TATDN2: variants seen among roughly 807,000 people sequenced by gnomAD.
TATDN2 encodes TatD DNase domain containing 2, also known as 3'-5' RNA nuclease TATDN2.
In TATDN2, 44 loss-of-function variants were observed where a neutral mutation model predicts 60.3. The observed-to-expected ratio is 0.73, with a 90% CI of 0.57 to 0.94. The LOEUF (loss-of-function observed/expected upper bound fraction) is 0.94. TATDN2 is among the 40% of genes least tolerant of loss of function. The pLI, the probability that TATDN2 is intolerant of heterozygous loss-of-function variation, is 0.00. For synonymous variants in TATDN2, 399 were observed against 355.8 expected (o/e 1.12, Z -1.37); for missense variants, 997 against 948.0 (o/e 1.05, Z -0.68).
Position 10,249,578 on chromosome 3 carries a change from A to G in TATDN2, c.378A>G (p.Glu126=), listed in dbSNP as rs971176411. 2 of 1,542,296 alleles carry G rather than the reference A, an allele frequency of 1.3e-6. No individual in the cohort carries two copies. Among genetic ancestry groups the G allele is most frequent in the Non-Finnish European group, 1.7e-6 (2 of 1,146,818 alleles). ...GTCCTGCCAACGCCTCTTTGGAAGAAATGGCTTCTCTAGAGGAGGAAGCCT... is the reference window on the plus strand; with the variant it reads ...GTCCTGCCAACGCCTCTTTGGAAGAGATGGCTTCTCTAGAGGAGGAAGCCT... The part of the protein sequence containing the change: ...PLRPANASLE[E]MASLEEEACS... The change falls in exon 2 of 8, where the codon GAA becomes GAG. Residue 126 remains glutamate, a synonymous_variant. Coordinates refer to ENST00000448281, the MANE Select transcript of TATDN2 (RefSeq NM_014760.4).
At chr3:10,263,714 C>T in intron 3 of TATDN2, among the ~76,000 whole-genome samples, 1 of 152,118 alleles carries the variant, frequency 6.6e-6, no homozygotes, top group East Asian at 1.9e-4. Flanking sequence ...TAAGTTGCTT[C>T]TTTCCGTTTC....
intron 3 of TATDN2, among the ~76,000 whole-genome samples, chr3:10,268,384 T>C (rs1455800275): frequency 6.6e-6 from 1 of 152,226 alleles, no homozygotes; most frequent in East Asian, 1.9e-4. Flanking sequence ...GCTCTTTCAT[T>C]GTGAATGTTT....
chr3:10,279,065 T>C lies in TATDN2; in HGVS notation c.*38+2T>C. On this transcript the variant is annotated splice_donor_variant, in intron 7 of 7. Coordinates refer to ENST00000448281, the MANE Select transcript of TATDN2 (RefSeq NM_014760.4). LOFTEE classifies it low-confidence loss of function (3UTR_SPLICE). ...GTCCTCGGGAGTCTCCTAGAAAAGG[T>C]CGTAAAACTCACATTCTGTATTTTT... The C allele has an allele frequency of 6.3e-7, 1 of 1,590,904 alleles. No individual in the cohort carries two copies. Among genetic ancestry groups the C allele is most frequent in the Non-Finnish European group, 8.5e-7 (1 of 1,171,418 alleles).
chr3:10,278,457 C>T lies in TATDN2; in HGVS notation c.2140C>T (p.Arg714Cys), dbSNP rs150215933. The T allele has an allele frequency of 6.9e-5, 111 of 1,610,876 alleles. No individual in the cohort carries two copies. The highest frequency in any genetic ancestry group is 4.4e-5 in the Non-Finnish European group (52 of 1,177,624). The change falls in exon 6 of 8, where the codon CGC (arginine) becomes TGC (cysteine). Residue 714 changes from arginine to cysteine, a missense_variant. Arg to Cys is a radical substitution (Grantham distance 180, BLOSUM62 -3). Transcript: ENST00000448281. The surrounding 1 kb of genome is among the most constrained non-coding windows in gnomAD (Gnocchi z 4.7). ...VETDAPYFLP[R>C]QVPKSLCQYA... is the part of the protein sequence containing the mutation. ...AACGGATGCTCCCTATTTCCTCCCT[C>T]GCCAGGTAAGGGGGTCTTCAGGCTG...
chr3:10,250,502 G>T (rs1292138080), intron 2 of TATDN2, among the ~76,000 whole-genome samples: 2 of 151,922 alleles, frequency 1.3e-5, no homozygotes, highest in Admixed American at 1.3e-4. Flanking sequence ...GATCAGATGG[G>T]CTGCCTCTAG....
At chr3:10,264,955 C>T (rs183726988) in intron 3 of TATDN2, among the ~76,000 whole-genome samples, 2,135 of 147,078 alleles carry the variant, frequency 0.015, 44 homozygotes, top group African/African-American at 0.051. Context: ...GGATTACAGG[C>T]GTGAGCCACC....
rs1408839463 is a variant in TATDN2, at chr3:10,278,240, G to C, written c.1962-39G>C. ...GGGGGAGCTGGGGGCTGCTGCAGAG[G>C]GGACTGTGAGCAGCCCTGATGTGGA... On this transcript the variant is annotated intron_variant, in intron 5 of 7. Coordinates refer to ENST00000448281, the MANE Select transcript of TATDN2 (RefSeq NM_014760.4). The surrounding 1 kb of genome is among the most constrained non-coding windows in gnomAD (Gnocchi z 4.7). 6.3e-7 allele frequency: 1 copy of C among 1,593,394 alleles called. No homozygotes were observed. Among genetic ancestry groups the C allele is most frequent in the African/African-American group, 1.3e-5 (1 of 74,708 alleles).
rs1183040057 is a variant in TATDN2 at position 10,270,216 on chromosome 3, C to G, written c.1034C>G (p.Ser345Cys). ...DVEEISTVRF[S>C]QEEPVSLKPS... ...GAGGAGATCTCCACAGTCAGATTCT[C>G]TCAGGAGGAACCTGTCTCCCTGAAA... is the stretch of plus-strand genomic sequence containing the variant. Residue 345 changes from serine to cysteine, a missense_variant, in exon 4 of 8, where the codon TCT becomes TGT. Physicochemically the swap from Ser to Cys is moderately radical, Grantham distance 112 (BLOSUM62 -1). Transcript: ENST00000448281. 2.5e-6 allele frequency: 4 copies of G among 1,614,110 alleles called. No individual in the cohort carries two copies. The Admixed American group carries it at 6.7e-5, about 27-fold the overall frequency.
intron 4 of TATDN2, among the ~76,000 whole-genome samples, chr3:10,272,872 C>CAAA (rs796447999): frequency 1.5e-5 from 2 of 133,642 alleles, no homozygotes; most frequent in African/African-American, 5.5e-5. Context: ...CTATCTCTAC[C>CAAA]AAAAAAAAAA....
At position 10,249,283 on chromosome 3, in the gene TATDN2, A is replaced by T. The variant is rs772722065; in HGVS notation, c.83A>T (p.Glu28Val). The T allele has an allele frequency of 6.3e-7, 1 of 1,595,304 alleles. No individual in the cohort carries two copies. The highest frequency in any genetic ancestry group is 1.7e-5 in the Admixed American group (1 of 57,672). The change falls in exon 2 of 8, where the codon GAG (glutamate) becomes GTG (valine). Residue 28 changes from glutamate (E) to valine (V), a missense_variant. Physicochemically the swap from Glu to Val is moderately radical, Grantham distance 121. Transcript: ENST00000448281. ...GCPRKRSCLREPCDVAPSSRP... is the reference protein window; with the variant it reads ...GCPRKRSCLRVPCDVAPSSRP... Reference sequence around the variant, plus strand: ...CCCCGCAAGCGCAGCTGCCTCCGGGAGCCCTGTGATGTGGCCCCCTCCAGC... The same window carrying T: ...CCCCGCAAGCGCAGCTGCCTCCGGGTGCCCTGTGATGTGGCCCCCTCCAGC...
chr3:10,257,057 G>T (rs2125172856), intron 2 of TATDN2, among the ~76,000 whole-genome samples: 1 of 151,850 alleles, frequency 6.6e-6, no homozygotes, highest in East Asian at 2.0e-4. Flanking sequence ...CACTTTGGGA[G>T]GCCAAGGCGG....
intron 2 of TATDN2, among the ~76,000 whole-genome samples, chr3:10,254,232 C>T (rs1698270830): frequency 6.6e-6 from 1 of 152,130 alleles, no homozygotes; most frequent in African/African-American, 2.4e-5. Context: ...GAGTGGAGAG[C>T]TGTAACAGGG....
At chr3:10,257,266 CAG>C (rs1698320871) in intron 2 of TATDN2, among the ~76,000 whole-genome samples, 1 of 138,762 alleles carries the variant, frequency 7.2e-6, no homozygotes, top group African/African-American at 2.7e-5. Flanking sequence ...GCCTGGACAA[CAG>C]AGTGAGATTT....
rs1698670299 is a variant in TATDN2, at chr3:10,278,453, C to T, written c.2136C>T (p.Leu712=). Residue 712 remains leucine, a synonymous_variant, in exon 6 of 8, where the codon CTC becomes CTT. Coordinates refer to ENST00000448281, the MANE Select transcript of TATDN2 (RefSeq NM_014760.4). This position sits in a 1 kb window ranked among gnomAD's most constrained non-coding sequence, Gnocchi z 4.7. ...TGGAAACGGATGCTCCCTATTTCCT[C>T]CCTCGCCAGGTAAGGGGGTCTTCAG... ...IIVETDAPYF[L]PRQVPKSLCQ... 6.2e-7 allele frequency: 1 copy of T among 1,611,890 alleles called. No homozygotes were observed. Among genetic ancestry groups the T allele is most frequent in the African/African-American group, 1.3e-5 (1 of 75,014 alleles).
chr3:10,260,434 G>C lies in TATDN2; in HGVS notation c.712G>C (p.Ala238Pro). 1 of 1,614,164 alleles carries C rather than the reference G, an allele frequency of 6.2e-7. No individual in the cohort carries two copies. The highest frequency in any genetic ancestry group is 8.5e-7 in the Non-Finnish European group (1 of 1,180,010). The change falls in exon 3 of 8, where the codon GCC becomes CCC. Residue 238 changes from alanine to proline, a missense_variant. Transcript: ENST00000448281. ...EGPAKTAEGA[A>P]RSVTVTAAQK... ...ACCAGCCAAGACTGCAGAAGGAGCA[G>C]CCAGGAGTGTCACAGTCACTGCTGC...
Position 10,270,314 on chromosome 3 carries a change from C to T in TATDN2, c.1132C>T (p.Pro378Ser), listed in dbSNP as rs1698540285. ...GTACCCTCCTCATTTGTACAGTAGT[C>T]CTTGGTGTGACTACGCCAGCTATTG... ...VMYPPHLYSSPWCDYASYWTS... is the reference protein window; with the variant it reads ...VMYPPHLYSSSWCDYASYWTS... Residue 378 changes from proline (P) to serine (S), a missense_variant, in exon 4 of 8, where the codon CCT (proline) becomes TCT (serine). Physicochemically the swap from Pro to Ser is moderately conservative, Grantham distance 74 (BLOSUM62 -1). Coordinates refer to ENST00000448281, the MANE Select transcript of TATDN2 (RefSeq NM_014760.4). 1.2e-6 allele frequency: 2 copies of T among 1,614,060 alleles called. No individual in the cohort carries two copies. The highest frequency in any genetic ancestry group is 2.2e-5 in the East Asian group (1 of 44,888).
At chr3:10,258,136 G>T (rs1239786968) in intron 2 of TATDN2, among the ~76,000 whole-genome samples, 2 of 151,070 alleles carry the variant, frequency 1.3e-5, no homozygotes, top group African/African-American at 4.9e-5. Context: ...TAGCCACCGC[G>T]CCCAGCTAGG....
chr3:10,268,379 T>C (rs1457553192), intron 3 of TATDN2, among the ~76,000 whole-genome samples: 1 of 152,242 alleles, frequency 6.6e-6, no homozygotes, highest in African/African-American at 2.4e-5. Flanking sequence ...AGAATGCTCT[T>C]TCATTGTGAA....
At chr3:10,255,012 A>C (rs868156410) in intron 2 of TATDN2, among the ~76,000 whole-genome samples, 2,694 of 38,694 alleles carry the variant, frequency 0.07, 5 homozygotes, top group Middle Eastern at 0.13. Context: ...CCCACTTCCC[A>C]CTCCCCCTCC....
Sources: allele counts gnomAD v4.1 joint callset (sites outside exome capture counted in the v4.1 genomes callset), GRCh38; gene constraint gnomAD v4.1.1; non-coding constraint Gnocchi (gnomAD v3.1); transcripts MANE v1.5; gene names NCBI Gene and HGNC (gene_info 2026-07-23, HGNC 2026-07-21).